KDM4C: variants seen among roughly 807,000 people sequenced by gnomAD.
KDM4C encodes lysine demethylase 4C.
In KDM4C, 81 loss-of-function variants were observed where a neutral mutation model predicts 129.3. That is an observed-to-expected ratio of 0.63 (90% CI 0.52 to 0.75). The LOEUF (loss-of-function observed/expected upper bound fraction) is 0.75. KDM4C is among the 30% of genes least tolerant of loss of function. The pLI, the probability that KDM4C is intolerant of heterozygous loss-of-function variation, is 0.00. For synonymous variants in KDM4C, 573 were observed against 456.1 expected, an observed-to-expected ratio of 1.26 and a Z score of -3.26; for missense variants, 1,457 against 1,304.0, an observed-to-expected ratio of 1.12 and a Z score of -1.81.
chr9:7,050,069 C>T (rs978620739), intron 17 of KDM4C, among the ~76,000 whole-genome samples: 2 of 152,022 alleles, frequency 1.3e-5, no homozygotes, highest in Non-Finnish European at 2.9e-5. Flanking sequence ...GCTCTTTTCC[C>T]CAATGGCGAG....
At position 6,852,176 on chromosome 9, in the gene KDM4C, G is replaced by C. The variant is rs1195473280; in HGVS notation, c.629+2476G>C. On this transcript the variant is annotated intron_variant, in intron 5 of 21. Transcript: ENST00000381309. Reference sequence around the variant, plus strand: ...ATTTCCTCAGCATAAATAATTTTGAGGTAAACTTTGTCATTATTAAAATTC... The same window carrying C: ...ATTTCCTCAGCATAAATAATTTTGACGTAAACTTTGTCATTATTAAAATTC... 2.6e-5 allele frequency among the ~76,000 whole-genome samples: 4 copies of C among 152,028 alleles called. No individual in the cohort carries two copies. In the East Asian group the frequency reaches 5.8e-4, roughly 22 times the overall value.
chr9:6,783,870 G>C (rs1268653540), intron 1 of KDM4C, among the ~76,000 whole-genome samples: 1 of 152,178 alleles, frequency 6.6e-6, no homozygotes, highest in Non-Finnish European at 1.5e-5. Context: ...TTTGAGTCAG[G>C]AGGTGAACTG....
intron 21 of KDM4C, among the ~76,000 whole-genome samples, chr9:7,173,673 G>A (rs2130542991): frequency 6.6e-6 from 1 of 152,298 alleles, no homozygotes; most frequent in South Asian, 2.1e-4. Flanking sequence ...TGTCTACAGT[G>A]CCTTTAGGTT....
intron 4 of KDM4C, among the ~76,000 whole-genome samples, chr9:6,821,005 A>G (rs1203626330): frequency 6.6e-6 from 1 of 152,138 alleles, no homozygotes; most frequent in Non-Finnish European, 1.5e-5. Context: ...TTTGCTGGTA[A>G]TGATGGTTTA....
rs534030374 is a variant in KDM4C, at chr9:6,864,647, A to T, written c.629+14947A>T. On this transcript the variant is annotated intron_variant, in intron 5 of 21. Coordinates refer to ENST00000381309, the MANE Select transcript of KDM4C (RefSeq NM_015061.6). ...ACATGCCCAGCTAATTTTTTTTTTT[A>T]AATTTATTTTATTTATTTATCTTTT... 6.3e-4 allele frequency among the ~76,000 whole-genome samples: 94 copies of T among 150,152 alleles called. 1 individual carries two copies. Among genetic ancestry groups the T allele is most frequent in the Non-Finnish European group, 6.2e-4 (42 of 67,514 alleles).
chr9:7,081,114 G>A (rs1427818905), intron 17 of KDM4C, among the ~76,000 whole-genome samples: 7 of 152,216 alleles, frequency 4.6e-5, no homozygotes. Flanking sequence ...TGAATGGGAA[G>A]GCTGAGTAAC....
chr9:7,164,817 C>T (rs558862509), intron 19 of KDM4C, among the ~76,000 whole-genome samples: 10 of 152,132 alleles, frequency 6.6e-5, no homozygotes, highest in Non-Finnish European at 1.2e-4. Flanking sequence ...TAGTCTCTTT[C>T]TATGTCATGG....
At chr9:7,053,967 G>A (rs1029238563) in intron 17 of KDM4C, among the ~76,000 whole-genome samples, 1 of 152,176 alleles carries the variant, frequency 6.6e-6, no homozygotes, top group Non-Finnish European at 1.5e-5. Flanking sequence ...GCATTCTTCT[G>A]ATATTTAATG....
chr9:7,051,515 T>A (rs566536769), intron 17 of KDM4C, among the ~76,000 whole-genome samples: 9 of 152,184 alleles, frequency 5.9e-5, no homozygotes, highest in Non-Finnish European at 1.2e-4. Context: ...TTTCCTGACA[T>A]AGGCATTCTT....
At chr9:6,779,060 G>C (rs939183670) in intron 1 of KDM4C, among the ~76,000 whole-genome samples, 3 of 126,602 alleles carry the variant, frequency 2.4e-5, no homozygotes, top group African/African-American at 7.2e-5. Flanking sequence ...ATGGAGTCTC[G>C]CTCTGTCGCC....
At position 6,986,359 on chromosome 9, in the gene KDM4C, G is replaced by T. The variant is rs1452558516; in HGVS notation, c.1370G>T (p.Ser457Ile). ...HIKLSGNSCL[S>I]TSVTEDIKTE... ...TTATCCTCAGGAAACAGCTGCTTAA[G>T]TACATCTGTAACAGAAGACATAAAA... The change falls in exon 11 of 22, where the codon AGT becomes ATT. Residue 457 changes from serine to isoleucine, a missense_variant. Physicochemically the swap from Ser to Ile is moderately radical, Grantham distance 142. Coordinates refer to ENST00000381309, the MANE Select transcript of KDM4C (RefSeq NM_015061.6). 2 of 1,609,000 alleles carry T rather than the reference G, an allele frequency of 1.2e-6. No homozygotes were observed. The highest frequency in any genetic ancestry group is 1.7e-6 in the Non-Finnish European group (2 of 1,176,008).
chr9:7,086,960 C>G (rs906278466), intron 17 of KDM4C, among the ~76,000 whole-genome samples: 1 of 152,172 alleles, frequency 6.6e-6, no homozygotes, highest in Non-Finnish European at 1.5e-5. Context: ...CTGAGCTCAC[C>G]GTTGTACTCT....
At chr9:6,792,173 T>G (rs1193186649) in intron 1 of KDM4C, among the ~76,000 whole-genome samples, 1 of 151,790 alleles carries the variant, frequency 6.6e-6, no homozygotes, top group African/African-American at 2.4e-5. Flanking sequence ...AAACTCCATC[T>G]CTACTAAAAA....
chr9:7,057,574 CAG>C (rs1279850912), intron 17 of KDM4C, among the ~76,000 whole-genome samples: 1 of 152,262 alleles, frequency 6.6e-6, no homozygotes, highest in Admixed American at 6.5e-5. Context: ...CAGTCTGACA[CAG>C]AGTTTGCACT....
intron 13 of KDM4C, among the ~76,000 whole-genome samples, chr9:7,012,586 C>T (rs1194345621): frequency 1.3e-5 from 2 of 152,130 alleles, no homozygotes; most frequent in Non-Finnish European, 2.9e-5. Flanking sequence ...AAGACACAGC[C>T]AAGACTCACT....
intron 8 of KDM4C, chr9:6,902,743 T>C (rs1399958127): frequency 6.6e-6 from 1 of 152,158 alleles, no homozygotes; most frequent in Non-Finnish European, 1.5e-5. Context: ...GTGGGGACAG[T>C]GTTTGCAGGG....
rs562273510 is a variant in KDM4C, at chr9:7,041,546, T to TA, written c.2260-5316_2260-5315insA. 4.2e-3 allele frequency among the ~76,000 whole-genome samples: 639 copies of TA among 151,928 alleles called. 4 individuals carry two copies. Among genetic ancestry groups the TA allele is most frequent in the Non-Finnish European group, 7.0e-3 (477 of 67,874 alleles). ...TTTCCTATCTTGATCATAAATGATT[T>TA]TTTTTTGCTTTTTATTATATCTTGT... is the stretch of plus-strand genomic sequence containing the variant. On this transcript the variant is annotated intron_variant, in intron 15 of 21. Transcript: ENST00000381309.
At chr9:6,852,377 T>C (rs1233789495) in intron 5 of KDM4C, among the ~76,000 whole-genome samples, 2 of 152,166 alleles carry the variant, frequency 1.3e-5, no homozygotes, top group African/African-American at 4.8e-5. Flanking sequence ...GGCAAATAAC[T>C]CTGCTTGTCT....
At chr9:7,117,460 C>A (rs1475365817) in intron 18 of KDM4C, among the ~76,000 whole-genome samples, 1 of 152,078 alleles carries the variant, frequency 6.6e-6, no homozygotes, top group Non-Finnish European at 1.5e-5. Context: ...CATCAGACGT[C>A]ATTTAAAGGA....
Sources: allele counts gnomAD v4.1 joint callset (sites outside exome capture counted in the v4.1 genomes callset), GRCh38; gene constraint gnomAD v4.1.1; transcripts MANE v1.5; gene names NCBI Gene and HGNC (gene_info 2026-07-23, HGNC 2026-07-21).